The following DDX46 variants were observed in gnomAD, a reference collection of about 807,000 sequenced individuals.
DDX46 encodes the protein DEAD-box helicase 46, also known as probable ATP-dependent RNA helicase DDX46.
In DDX46, 30 loss-of-function variants were observed where a neutral mutation model predicts 134.9. The ratio of observed to expected loss-of-function variants is 0.22; its 90% confidence interval spans 0.17 to 0.30. The LOEUF (loss-of-function observed/expected upper bound fraction) is 0.30. Ranked by LOEUF, DDX46 falls within the 10% of genes least tolerant of loss-of-function variation. The pLI, the probability that DDX46 is intolerant of heterozygous loss-of-function variation, is 1.00. For missense variants in DDX46, 622 were observed against 1,248.7 expected (o/e 0.50, Z 7.56); for synonymous variants, 415 against 404.1 (o/e 1.03, Z -0.32).
At position 134,796,014 on chromosome 5, in the gene DDX46, C is replaced by T; in HGVS notation, c.1818C>T (p.Phe606=). Residue 606 remains phenylalanine, a synonymous_variant, in exon 15 of 23, where the codon TTC becomes TTT. Coordinates refer to ENST00000452510, the MANE Select transcript of DDX46 (RefSeq NM_001300860.2). The part of the protein sequence containing the change: ...QVIVIEEEKK[F]LKLLELLGHY... Reference sequence around the variant, plus strand: ...TTGTGATTGAAGAAGAAAAGAAATTCTTGAAGTTACTTGAGCTTCTAGGCC... The same window carrying T: ...TTGTGATTGAAGAAGAAAAGAAATTTTTGAAGTTACTTGAGCTTCTAGGCC... 6.2e-7 allele frequency: 1 copy of T among 1,613,124 alleles called. No individual in the cohort carries two copies. Among genetic ancestry groups the T allele is most frequent in the South Asian group, 1.1e-5 (1 of 90,964 alleles).
intron 1 of DDX46, among the ~76,000 whole-genome samples, chr5:134,762,010 T>C (rs972210632): frequency 1.3e-5 from 2 of 151,926 alleles, no homozygotes; most frequent in Non-Finnish European, 1.5e-5. Context: ...AATCCCAGCA[T>C]TTTGGGATTA....
chr5:134,794,537 CT>C (rs950887202), intron 13 of DDX46, among the ~76,000 whole-genome samples: 2 of 152,038 alleles, frequency 1.3e-5, no homozygotes, highest in Non-Finnish European at 2.9e-5. Flanking sequence ...CAAAATGGGT[CT>C]TTAATAAAAA....
At position 134,784,684 on chromosome 5, in the gene DDX46, G is replaced by C. The variant is rs575618890; in HGVS notation, c.1342+143G>C. The C allele has an allele frequency of 8.1e-4, 679 of 833,176 alleles. 16 individuals are homozygous for C. The South Asian group carries it at 0.016, about 20-fold the overall frequency. The allele number at this position is 833,176 out of a possible 1,614,324, so 51.6% of individuals were successfully genotyped here. On this transcript the variant is annotated intron_variant, in intron 10 of 22. Coordinates refer to ENST00000452510, the MANE Select transcript of DDX46 (RefSeq NM_001300860.2). Reference sequence around the variant, plus strand: ...TTTATCAATTTGGCACTTTGGGGCTGATTTCCCCTTACCAGCAGGTGGAGT... The same window carrying C: ...TTTATCAATTTGGCACTTTGGGGCTCATTTCCCCTTACCAGCAGGTGGAGT...
chr5:134,824,457 C>T (rs1266341874), intron 21 of DDX46, among the ~76,000 whole-genome samples: 2 of 151,962 alleles, frequency 1.3e-5, no homozygotes, highest in South Asian at 2.1e-4. Context: ...GGCATGGTGG[C>T]GGGAGCCTGT....
At chr5:134,769,583 C>T (rs1473381516) in intron 3 of DDX46, among the ~76,000 whole-genome samples, 8 of 149,972 alleles carry the variant, frequency 5.3e-5, no homozygotes, top group African/African-American at 2.0e-4. Flanking sequence ...TCTTGTCTCC[C>T]AGGCTGGTGG....
Position 134,781,169 on chromosome 5 carries a change from G to T in DDX46, c.802G>T (p.Val268Leu). ...GPTVTKVVTV[V>L]TTKKAVVDSD... ...AACGGTCACAAAAGTTGTCACTGTT[G>T]TGACAACCAAAAAAGCAGTTGTGGA... is the stretch of plus-strand genomic sequence containing the variant. Residue 268 changes from valine to leucine, a missense_variant, in exon 7 of 23, where the codon GTG becomes TTG. Val to Leu is a conservative substitution (Grantham distance 32). Coordinates refer to ENST00000452510, the MANE Select transcript of DDX46 (RefSeq NM_001300860.2). 1 of 1,601,108 alleles carries T rather than the reference G, an allele frequency of 6.2e-7. No individual in the cohort carries two copies. The highest frequency in any genetic ancestry group is 8.5e-7 in the Non-Finnish European group (1 of 1,177,274).
chr5:134,804,822 G>T, intron 15 of DDX46: 1 of 407,606 alleles, frequency 2.5e-6, no homozygotes, highest in South Asian at 2.1e-5. Context: ...CTTTCACCAT[G>T]ATTTTCTGTT....
intron 19 of DDX46, chr5:134,816,944 A>G: frequency 4.5e-6 from 1 of 221,238 alleles, no homozygotes; most frequent in Non-Finnish European, 8.8e-6. Flanking sequence ...CTCCCTGGAT[A>G]TACAAACACC....
chr5:134,777,151 G>A (rs1016668217), intron 5 of DDX46, among the ~76,000 whole-genome samples: 1 of 152,076 alleles, frequency 6.6e-6, no homozygotes, highest in Non-Finnish European at 1.5e-5. Flanking sequence ...CTGGGAGGCG[G>A]AGCTTGCAGT....
At chr5:134,768,262 A>G (rs1172970276) in intron 3 of DDX46, among the ~76,000 whole-genome samples, 1 of 151,894 alleles carries the variant, frequency 6.6e-6, no homozygotes, top group Admixed American at 6.6e-5. Context: ...GGTGTGTGCC[A>G]ACATGCCCAG....
chr5:134,814,472 T>C (rs1265090964), intron 18 of DDX46, among the ~76,000 whole-genome samples: 1 of 152,254 alleles, frequency 6.6e-6, no homozygotes, highest in Non-Finnish European at 1.5e-5. Context: ...TAGCATTGTA[T>C]ACTTCCCCCT....
rs1376087200 is a variant in DDX46, at chr5:134,781,225, G to A, written c.858G>A (p.Glu286=). 5 of 1,605,064 alleles carry A rather than the reference G, an allele frequency of 3.1e-6. No homozygotes were observed. ...ATAAGAAGAAAGGTGAGCTGATGGA[G>A]AATGACCAGGATGCCATGGAGGTGA... The part of the protein sequence containing the change: ...DSDKKKGELM[E]NDQDAMEYSS... Residue 286 remains glutamate (E), a synonymous_variant, in exon 7 of 23, where the codon GAG becomes GAA. Transcript: ENST00000452510.
intron 1 of DDX46, among the ~76,000 whole-genome samples, chr5:134,762,796 C>T (rs1371330704): frequency 1.3e-5 from 2 of 150,978 alleles, no homozygotes; most frequent in Non-Finnish European, 2.9e-5. Flanking sequence ...GTGGCCCAAG[C>T]CTGTAATCCC....
rs1248304595 is a variant in DDX46, at chr5:134,799,442, T to TAA, written c.1954+3305_1954+3306dup. ...GACTATAGCAAAATTTGTGAATATT[T>TAA]AAAAAAAAAAAAAAGCTGGGTGCCG... On this transcript the variant is annotated intron_variant, in intron 15 of 22. Transcript: ENST00000452510. Among the ~76,000 whole-genome samples, 10 of 138,340 alleles carry TAA rather than the reference T, an allele frequency of 7.2e-5. No homozygotes were observed. In the South Asian group the frequency reaches 1.2e-3, roughly 16 times the overall value. 90.8% of individuals were successfully genotyped at this position (138,340 alleles called of 152,430 possible). A position where few individuals can be genotyped will look rare whatever the true frequency, so the allele number is the denominator to read the frequency against.
chr5:134,782,028 G>T lies in DDX46; in HGVS notation c.987G>T (p.Glu329Asp), dbSNP rs374693411. ...EPVDHGKIEY[E>D]PFRKNFYVEV... is the part of the protein sequence containing the mutation. ...TTGATCATGGAAAAATTGAGTATGA[G>T]CCATTTAGGAAAAACTTCTATGTTG... Residue 329 changes from glutamate to aspartate, a missense_variant, in exon 8 of 23, where the codon GAG becomes GAT. This residue lies in a region of DDX46 where 63 missense variants were observed against 84.0 expected (regional missense o/e 0.75). Transcript: ENST00000452510. The T allele has an allele frequency of 6.2e-7, 1 of 1,602,642 alleles. No homozygotes were observed. The highest frequency in any genetic ancestry group is 1.3e-5 in the African/African-American group (1 of 74,110).
intron 15 of DDX46, among the ~76,000 whole-genome samples, chr5:134,802,795 T>G (rs1256690879): frequency 6.6e-6 from 1 of 152,136 alleles, no homozygotes. Context: ...TCTTTGTATG[T>G]CTAGTAATTT....
At chr5:134,793,608 T>C (rs1369412972) in intron 13 of DDX46, among the ~76,000 whole-genome samples, 1 of 152,100 alleles carries the variant, frequency 6.6e-6, no homozygotes, top group African/African-American at 2.4e-5. Flanking sequence ...TTTCACCATG[T>C]TGGCTGGACT....
At chr5:134,805,638 C>T (rs191358952) in intron 15 of DDX46, among the ~76,000 whole-genome samples, 2 of 151,864 alleles carry the variant, frequency 1.3e-5, no homozygotes, top group Non-Finnish European at 2.9e-5. Context: ...AAGCAATTCT[C>T]CTGCTTCAGC....
At chr5:134,763,514 A>G (rs546605686) in intron 1 of DDX46, among the ~76,000 whole-genome samples, 17 of 152,144 alleles carry the variant, frequency 1.1e-4, no homozygotes, top group Non-Finnish European at 2.2e-4. Flanking sequence ...AATTCCCTGT[A>G]TATCTACATG....
Sources: gnomAD v4.1 joint callset for allele counts (sites outside exome capture counted in the v4.1 genomes callset) on GRCh38, gnomAD v4.1.1 for gene constraint, gnomAD v4.1.1 regional missense constraint, MANE v1.5 for transcripts, NCBI Gene and HGNC (gene_info 2026-07-23, HGNC 2026-07-21) for gene names.